The following ABCG2 variants were observed in gnomAD, a reference collection of about 807,000 sequenced individuals.
ABCG2 encodes ATP binding cassette subfamily G member 2 (JR blood group), also known as broad substrate specificity ATP-binding cassette transporter ABCG2.
A neutral mutation model predicts 73.5 loss-of-function variants in ABCG2; 80 were observed. The ratio of observed to expected loss-of-function variants is 1.09; its 90% CI spans 0.91 to 1.31. The LOEUF (loss-of-function observed/expected upper bound fraction) is 1.31. ABCG2 is among the 50% of genes most tolerant of loss of function. The probability of loss-of-function intolerance (pLI) is 0.00; values close to 1 mark genes in which losing one functional copy is unlikely to be tolerated. For synonymous variants in ABCG2, 269 were observed against 282.4 expected (o/e 0.95, Z 0.48); for missense variants, 796 against 786.2 (o/e 1.01, Z -0.15).
intron 5 of ABCG2, among the ~76,000 whole-genome samples, chr4:88,128,660 C>G (rs1724608017): frequency 6.6e-6 from 1 of 152,108 alleles, no homozygotes; most frequent in Non-Finnish European, 1.5e-5. Flanking sequence ...TCTCAGCAAA[C>G]TAACACAGGA....
chr4:88,127,109 C>T (rs1017774983), intron 5 of ABCG2, among the ~76,000 whole-genome samples: 1 of 152,152 alleles, frequency 6.6e-6, no homozygotes, highest in African/African-American at 2.4e-5. Context: ...GTGCAAAAAT[C>T]ACAAGCATTC....
intron 1 of ABCG2, among the ~76,000 whole-genome samples, chr4:88,213,055 C>T (rs1440432432): frequency 6.6e-6 from 1 of 152,130 alleles, no homozygotes; most frequent in Non-Finnish European, 1.5e-5. Flanking sequence ...ATGAATGCCA[C>T]CGCACCCAGC....
rs1724902952 is a variant in ABCG2, at chr4:88,131,842, TCG to T, written c.337_338del (p.Arg113ThrfsTer7). The part of the protein sequence containing the change: ...SGDVLINGAP[R>X]PANFKCNSGY... Reference sequence around the variant, plus strand: ...CTGAATTACATTTGAAATTGGCAGGTCGCGGTGCTCCATTTATCAGAACATCT... The same window carrying T: ...CTGAATTACATTTGAAATTGGCAGGTCGGTGCTCCATTTATCAGAACATCT... On this transcript the variant is annotated frameshift_variant, in exon 4 of 16. Coordinates refer to ENST00000237612, the MANE Select transcript of ABCG2 (RefSeq NM_004827.3). LOFTEE classifies it high-confidence loss of function. 6.2e-7 allele frequency: 1 copy of T among 1,613,568 alleles called. No individual in the cohort carries two copies.
Position 88,095,022 on chromosome 4 carries a change from C to T in ABCG2, c.1738-363G>A, listed in dbSNP as rs370515019. Among the ~76,000 whole-genome samples the T allele has an allele frequency of 3.1e-4, 47 of 152,256 alleles. No homozygotes were observed. In the South Asian group the frequency reaches 9.7e-3, roughly 32 times the overall value. On this transcript the variant is annotated intron_variant, in intron 14 of 15. Coordinates refer to ENST00000237612, the MANE Select transcript of ABCG2 (RefSeq NM_004827.3). ...TTGTTAATTTACAGTGACAATCTTT[C>T]GTTCTTGTTTGTTTTCATTAGAACC...
intron 15 of ABCG2, among the ~76,000 whole-genome samples, chr4:88,094,024 T>C (rs1181915228): frequency 2.0e-5 from 3 of 152,204 alleles, no homozygotes; most frequent in African/African-American, 7.2e-5. Flanking sequence ...AACACATGAC[T>C]ATGCGGCCTT....
chr4:88,107,041 CA>C (rs1560663456), intron 10 of ABCG2, 142 bp downstream of exon 10: 3 of 640,396 alleles, frequency 4.7e-6, no homozygotes, highest in Non-Finnish European at 5.2e-6. Flanking sequence ...GACTCTGTCT[CA>C]AAAATAAACT....
intron 1 of ABCG2, among the ~76,000 whole-genome samples, chr4:88,180,343 G>C (rs2110099436): frequency 6.6e-6 from 1 of 152,110 alleles, no homozygotes; most frequent in Non-Finnish European, 1.5e-5. Flanking sequence ...TTCAAATATG[G>C]AAAAATAAAG....
intron 1 of ABCG2, among the ~76,000 whole-genome samples, chr4:88,170,110 C>CAAAA (rs1161275708): frequency 1.7e-5 from 1 of 57,614 alleles, no homozygotes; most frequent in African/African-American, 5.5e-5. Context: ...GACTCCGTCT[C>CAAAA]AAAAAAAAAA....
intron 1 of ABCG2, among the ~76,000 whole-genome samples, chr4:88,142,656 T>G (rs553608978): frequency 1.3e-5 from 2 of 152,184 alleles, no homozygotes; most frequent in Admixed American, 1.3e-4. Context: ...TCGAAAATAT[T>G]AAAAAATAGG....
intron 1 of ABCG2, among the ~76,000 whole-genome samples, chr4:88,186,350 TA>T (rs1352036786): frequency 6.6e-6 from 1 of 152,118 alleles, no homozygotes; most frequent in African/African-American, 2.4e-5. Context: ...GAACGGTGGT[TA>T]GGGGCCAGGC....
intron 1 of ABCG2, among the ~76,000 whole-genome samples, chr4:88,167,413 G>A (rs1357912294): frequency 8.9e-6 from 1 of 112,270 alleles, no homozygotes; most frequent in Non-Finnish European, 1.7e-5. Context: ...TCGCCCTGTT[G>A]CCCAGGCTGG....
chr4:88,093,431 G>A (rs1721774233), intron 15 of ABCG2, among the ~76,000 whole-genome samples: 1 of 151,672 alleles, frequency 6.6e-6, no homozygotes, highest in South Asian at 2.1e-4. Flanking sequence ...GTCAACCCGG[G>A]AGGTGGAGCT....
chr4:88,159,047 C>G (rs1036899445), upstream of ABCG2: 1 of 427,308 alleles, frequency 2.3e-6, no homozygotes, highest in African/African-American at 2.1e-5. Context: ...CGCGCTGAGC[C>G]GCCAGCAGGA....
intron 13 of ABCG2, among the ~76,000 whole-genome samples, chr4:88,097,207 T>C (rs1722040491): frequency 6.6e-6 from 1 of 152,186 alleles, no homozygotes; most frequent in Non-Finnish European, 1.5e-5. Context: ...TTTTAAAAGC[T>C]CATTAGTAAC....
At chr4:88,153,818 C>G (rs1406642146) in intron 1 of ABCG2, among the ~76,000 whole-genome samples, 2 of 152,060 alleles carry the variant, frequency 1.3e-5, no homozygotes, top group Non-Finnish European at 2.9e-5. Flanking sequence ...CAGTCCTGGG[C>G]AGGAGCAAAA....
intron 1 of ABCG2, among the ~76,000 whole-genome samples, chr4:88,165,987 T>C (rs1727504082): frequency 6.6e-6 from 1 of 152,126 alleles, no homozygotes; most frequent in African/African-American, 2.4e-5. Flanking sequence ...GAATAAGACA[T>C]GGACACCTTT....
chr4:88,122,378 C>T lies in ABCG2; in HGVS notation c.532-586G>A, dbSNP rs759323627. Among the ~76,000 whole-genome samples, 4 of 152,136 alleles carry T rather than the reference C, an allele frequency of 2.6e-5. No individual in the cohort carries two copies. In the East Asian group the frequency reaches 5.8e-4, roughly 22 times the overall value. ...AACCAAGTGGTCTAGCCTAGCTCAG[C>T]GGATCCCAGCCCCACAGAGCCCAGC... On this transcript the variant is annotated intron_variant, in intron 5 of 15. Transcript: ENST00000237612.
At chr4:88,201,139 T>C (rs186239195) in intron 1 of ABCG2, among the ~76,000 whole-genome samples, 1 of 101,156 alleles carries the variant, frequency 9.9e-6, no homozygotes, top group Admixed American at 1.0e-4. Flanking sequence ...TAGAGAAAAT[T>C]AACAAAAAAA....
At chr4:88,190,771 T>C (rs1728655884) in intron 1 of ABCG2, among the ~76,000 whole-genome samples, 2 of 152,318 alleles carry the variant, frequency 1.3e-5, no homozygotes, top group Middle Eastern at 3.4e-3. Context: ...TTCCCACAAG[T>C]AAAAATATAT....
Sources: allele counts gnomAD v4.1 joint callset (sites outside exome capture counted in the v4.1 genomes callset), GRCh38; gene constraint gnomAD v4.1.1; transcripts MANE v1.5; gene names NCBI Gene and HGNC (gene_info 2026-07-23, HGNC 2026-07-21).